The following DBF4B variants were observed in gnomAD, a reference collection of about 807,000 sequenced individuals.
The protein encoded by DBF4B is DBF4B-CDC7 kinase regulatory subunit.
Under a neutral mutation model 53.4 loss-of-function variants are expected in DBF4B, and 49 were observed. The ratio of observed to expected loss-of-function variants is 0.92; its 90% confidence interval spans 0.73 to 1.16. The LOEUF (loss-of-function observed/expected upper bound fraction) is 1.16, where lower values mean the gene tolerates loss of function less well. Ranked by LOEUF, DBF4B falls within the 50% of genes most tolerant of loss-of-function variation. DBF4B has a pLI of 0.00. For missense variants in DBF4B, 692 were observed against 775.0 expected, an observed-to-expected ratio of 0.89 and a Z score of 1.27; for synonymous variants, 257 against 288.7, an observed-to-expected ratio of 0.89 and a Z score of 1.11.
chr17:44,729,853 C>G lies in DBF4B; in HGVS notation c.226-52C>G, dbSNP rs113695017. 1.4e-5 allele frequency: 23 copies of G among 1,587,110 alleles called. 1 individual carries two copies. The African/African-American group carries it at 1.8e-4, about 12-fold the overall frequency. On this transcript the variant is annotated intron_variant, in intron 3 of 13. Transcript: ENST00000315005. The stretch of plus-strand genomic sequence containing the variant: ...TCCTTCTCCAGCCTCTTTATATTGA[C>G]AATTCTGCATTTGCTTTTTGGTTTT...
intron 2 of DBF4B, 100 bp from the exon 3 acceptor site, chr17:44,722,780 G>T: frequency 1.5e-6 from 2 of 1,364,868 alleles, no homozygotes; most frequent in South Asian, 2.7e-5. Context: ...GGTCTAGTCT[G>T]TGCTATTATA....
At position 44,729,880 on chromosome 17, in the gene DBF4B, A is replaced by G. The variant is rs915298407; in HGVS notation, c.226-25A>G. 8 of 1,600,808 alleles carry G rather than the reference A, an allele frequency of 5.0e-6. No homozygotes were observed. In the African/African-American group the frequency reaches 1.1e-4, roughly 22 times the overall value. On this transcript the variant is annotated intron_variant, in intron 3 of 13. Coordinates refer to ENST00000315005, the MANE Select transcript of DBF4B (RefSeq NM_145663.3). The stretch of plus-strand genomic sequence containing the variant: ...ATTCTGCATTTGCTTTTTGGTTTTC[A>G]GCCACCTCTGTGATCTGGTTTCAGG...
intron 9 of DBF4B, among the ~76,000 whole-genome samples, chr17:44,740,114 A>G (rs1169368035): frequency 4.6e-5 from 7 of 152,182 alleles, no homozygotes; most frequent in East Asian, 1.9e-4. Context: ...TTCAAAGCCT[A>G]TTAGGCCTAT....
rs757156879 is a variant in DBF4B, at chr17:44,751,030, G to A, written c.1625G>A (p.Gly542Glu). Residue 542 changes from glycine to glutamate, a missense_variant, in exon 14 of 14, where the codon GGA becomes GAA. By Grantham distance (98) the Gly-to-Glu change is moderately conservative (BLOSUM62 -2). This residue lies in a region of DBF4B where 597 missense variants were observed against 665.8 expected (regional missense o/e 0.90). Transcript: ENST00000315005. ...TCCCCTTGCCCCTGTCTCAGACTTG[G>A]ATACCTTTACCTGCTGCTCACACAA... is the stretch of plus-strand genomic sequence containing the variant. Reference protein sequence around the residue: ...EVSPCPCLRLGYLYLLLTQSL... With the variant: ...EVSPCPCLRLEYLYLLLTQSL... 1.2e-6 allele frequency: 2 copies of A among 1,614,086 alleles called. No individual in the cohort carries two copies. Among genetic ancestry groups the A allele is most frequent in the Admixed American group, 1.7e-5 (1 of 60,006 alleles).
Position 44,747,383 on chromosome 17 carries a change from G to T in DBF4B, c.940-8G>T. ...CTAATGCCCTGTGCTCCTCTCCCCC[G>T]CCGGCAGCATCTTCAGAGTGCCCAG... On this transcript the variant is annotated splice_polypyrimidine_tract_variant and splice_region_variant and intron_variant, in intron 11 of 13. Coordinates refer to ENST00000315005, the MANE Select transcript of DBF4B (RefSeq NM_145663.3). 6.2e-7 allele frequency: 1 copy of T among 1,612,954 alleles called. No individual in the cohort carries two copies. Among genetic ancestry groups the T allele is most frequent in the African/African-American group, 1.3e-5 (1 of 74,830 alleles).
chr17:44,725,846 C>T (rs1974283005), intron 3 of DBF4B, among the ~76,000 whole-genome samples: 1 of 151,626 alleles, frequency 6.6e-6, no homozygotes, highest in Non-Finnish European at 1.5e-5. Flanking sequence ...GCCACCATGC[C>T]CTGCTCATTT....
chr17:44,735,653 G>A (rs534305904), intron 7 of DBF4B, among the ~76,000 whole-genome samples: 1 of 152,272 alleles, frequency 6.6e-6, no homozygotes, highest in Non-Finnish European at 1.5e-5. Flanking sequence ...GGGCAACAGA[G>A]TGAGACTCTG....
At position 44,748,334 on chromosome 17, in the gene DBF4B, C is replaced by T; in HGVS notation, c.1065-7C>T. 6.3e-7 allele frequency: 1 copy of T among 1,587,178 alleles called. No individual in the cohort carries two copies. The highest frequency in any genetic ancestry group is 8.6e-7 in the Non-Finnish European group (1 of 1,166,650). ...ACCTGCAGCTCACAGTGTTTCTGTCCCAACAGGTGGTCAGGTTCCCCAGCT... is the reference window on the plus strand; with the variant it reads ...ACCTGCAGCTCACAGTGTTTCTGTCTCAACAGGTGGTCAGGTTCCCCAGCT... On this transcript the variant is annotated splice_region_variant and splice_polypyrimidine_tract_variant and intron_variant, in intron 12 of 13. Transcript: ENST00000315005.
chr17:44,738,397 C>A lies in DBF4B; in HGVS notation c.686C>A (p.Pro229Gln). Reference sequence around the variant, plus strand: ...CTTTCAGTGGCCAGACTGAAGGCCCCGTTCCTCAAAATCGAAGATGAAAGC... The same window carrying A: ...CTTTCAGTGGCCAGACTGAAGGCCCAGTTCCTCAAAATCGAAGATGAAAGC... ...RTRKVARLKA[P>Q]FLKIEDESRK... is the part of the protein sequence containing the mutation. Residue 229 changes from proline to glutamine, a missense_variant, in exon 9 of 14, where the codon CCG (proline) becomes CAG (glutamine). Physicochemically the swap from Pro to Gln is moderately conservative, Grantham distance 76 (BLOSUM62 -1). Coordinates refer to ENST00000315005, the MANE Select transcript of DBF4B (RefSeq NM_145663.3). 1 of 1,613,798 alleles carries A rather than the reference C, an allele frequency of 6.2e-7. No individual in the cohort carries two copies. The highest frequency in any genetic ancestry group is 8.5e-7 in the Non-Finnish European group (1 of 1,179,736).
intron 13 of DBF4B, chr17:44,750,341 T>C (rs1380643242): frequency 9.3e-6 from 12 of 1,290,598 alleles, no homozygotes; most frequent in Non-Finnish European, 2.9e-6. Flanking sequence ...ATGTTGAAGC[T>C]TCCGGAAGCC....
intron 3 of DBF4B, among the ~76,000 whole-genome samples, chr17:44,723,351 A>G (rs1974020548): frequency 1.3e-5 from 2 of 152,088 alleles, no homozygotes; most frequent in Admixed American, 6.6e-5. Flanking sequence ...ATGATCTGCC[A>G]ACCTCGGCTT....
rs897603414 is a variant in DBF4B at position 44,747,047 on chromosome 17, C to G, written c.831-36C>G. The stretch of plus-strand genomic sequence containing the variant: ...TGGCTCCTCCCCCCAAGGGCCCCAG[C>G]AGTAACCACTTTGCCGCACTATGTA... On this transcript the variant is annotated intron_variant, in intron 10 of 13. Coordinates refer to ENST00000315005, the MANE Select transcript of DBF4B (RefSeq NM_145663.3). 5.0e-6 allele frequency: 8 copies of G among 1,591,558 alleles called. No homozygotes were observed. The African/African-American group carries it at 1.1e-4, about 21-fold the overall frequency.
chr17:44,747,682 C>G (rs1020597790), intron 12 of DBF4B, among the ~76,000 whole-genome samples, 167 bp downstream of exon 12: 2 of 151,360 alleles, frequency 1.3e-5, no homozygotes, highest in Non-Finnish European at 2.9e-5. Flanking sequence ...TGGGGCTGGC[C>G]AAAAAAAATA....
intron 3 of DBF4B, among the ~76,000 whole-genome samples, chr17:44,727,761 G>A (rs1273714369): frequency 2.6e-5 from 4 of 151,824 alleles, no homozygotes; most frequent in Non-Finnish European, 5.9e-5. Flanking sequence ...GCAATGGTGC[G>A]ATCTTGGCTC....
At chr17:44,740,992 G>T (rs1285899296) in intron 9 of DBF4B, among the ~76,000 whole-genome samples, 1 of 152,082 alleles carries the variant, frequency 6.6e-6, no homozygotes, top group Admixed American at 6.5e-5. Context: ...AAAATTAGCC[G>T]GCCATGGTGG....
Position 44,751,469 on chromosome 17 carries a change from G to A in DBF4B, c.*216G>A. ...TTTCAACATGTTGCCGTTTCTTTCT[G>A]AAGAGGTGTCCTCCCTCCACAAGTC... On this transcript the variant is annotated 3_prime_UTR_variant, in exon 14 of 14. Coordinates refer to ENST00000315005, the MANE Select transcript of DBF4B (RefSeq NM_145663.3). 1.4e-6 allele frequency: 2 copies of A among 1,410,586 alleles called. No homozygotes were observed. Among genetic ancestry groups the A allele is most frequent in the Non-Finnish European group, 1.8e-6 (2 of 1,087,598 alleles). The allele number at this position is 1,410,586 out of a possible 1,614,324, so 87.4% of individuals were successfully genotyped here.
chr17:44,743,547 C>G (rs1456285116), intron 10 of DBF4B, among the ~76,000 whole-genome samples: 2 of 151,594 alleles, frequency 1.3e-5, no homozygotes, highest in Non-Finnish European at 2.9e-5. Context: ...GAGAGTGCAG[C>G]CTGGGGCAGC....
At chr17:44,746,139 A>G (rs1030709048) in intron 10 of DBF4B, among the ~76,000 whole-genome samples, 1 of 151,228 alleles carries the variant, frequency 6.6e-6, no homozygotes, top group Non-Finnish European at 1.5e-5. Flanking sequence ...GGCTGAGACA[A>G]GAGAATCACT....
At chr17:44,715,669 T>G (rs74828610) in intron 2 of DBF4B, among the ~76,000 whole-genome samples, 6,818 of 151,906 alleles carry the variant, frequency 0.045, 212 homozygotes, top group Non-Finnish European at 0.073. Context: ...CTTGTTGTGC[T>G]TAATGGATAT....
Sources: allele counts gnomAD v4.1 joint callset (sites outside exome capture counted in the v4.1 genomes callset), GRCh38; gene constraint gnomAD v4.1.1; regional missense constraint gnomAD v4.1.1; transcripts MANE v1.5; gene names NCBI Gene and HGNC (gene_info 2026-07-23, HGNC 2026-07-21).